DPP10: variants seen among roughly 807,000 people sequenced by gnomAD.
The protein encoded by DPP10 is dipeptidyl peptidase like 10.
A neutral mutation model predicts 120.9 loss-of-function variants in DPP10; 33 were observed. That is an observed-to-expected ratio of 0.27 (90% confidence interval 0.21 to 0.37). The LOEUF (loss-of-function observed/expected upper bound fraction) is 0.37, where lower values mean the gene tolerates loss of function less well. DPP10 is among the 10% of genes least tolerant of loss of function. The pLI is 1.00. For synonymous variants in DPP10, 337 were observed against 326.1 expected, an observed-to-expected ratio of 1.03 and a Z score of -0.36; for missense variants, 816 against 942.8, an observed-to-expected ratio of 0.87 and a Z score of 1.76.
At chr2:115,667,409 A>G (rs1380361920) in intron 5 of DPP10, among the ~76,000 whole-genome samples, 1 of 152,026 alleles carries the variant, frequency 6.6e-6, no homozygotes, top group Non-Finnish European at 1.5e-5. Context: ...TTTTCATACA[A>G]TCTTTTCCAG....
intron 2 of DPP10, among the ~76,000 whole-genome samples, chr2:115,309,600 T>G (rs2061498841): frequency 6.6e-6 from 1 of 152,108 alleles, no homozygotes; most frequent in Non-Finnish European, 1.5e-5. Flanking sequence ...AAGGAGATTT[T>G]TGGTCTCCAT....
intron 1 of DPP10, among the ~76,000 whole-genome samples, chr2:114,859,307 G>A (rs1689623126): frequency 6.6e-6 from 1 of 150,734 alleles, no homozygotes; most frequent in Non-Finnish European, 1.5e-5. Context: ...GGTGAAGCTA[G>A]CAGCGAGCCA....
At chr2:115,363,562 G>T (rs778184005) in intron 3 of DPP10, among the ~76,000 whole-genome samples, 5 of 152,174 alleles carry the variant, frequency 3.3e-5, no homozygotes, top group African/African-American at 1.2e-4. Context: ...GACATGGTGC[G>T]CAAGTTACTT....
chr2:115,806,991 G>T (rs1185359280), intron 19 of DPP10, among the ~76,000 whole-genome samples: 2 of 152,082 alleles, frequency 1.3e-5, no homozygotes, highest in Admixed American at 1.3e-4. Context: ...TATAAAATGT[G>T]CTAAGCTTTC....
intron 1 of DPP10, among the ~76,000 whole-genome samples, chr2:115,233,118 T>C (rs1473096702): frequency 6.6e-6 from 1 of 151,474 alleles, no homozygotes; most frequent in East Asian, 2.0e-4. Context: ...TGTCATATTT[T>C]AAAGGCTTAC....
intron 2 of DPP10, among the ~76,000 whole-genome samples, chr2:115,313,829 C>T (rs1323938018): frequency 6.6e-6 from 1 of 152,124 alleles, no homozygotes. Context: ...ACAAATTATT[C>T]ATTCCATTTT....
chr2:114,752,424 A>T lies in DPP10; in HGVS notation c.60+309586A>T, dbSNP rs13383611. ...AAACAAAGCAAAAGAAAATGACCCA[A>T]CTACTCAGATTAGAGCCTCGAATTA... is the stretch of plus-strand genomic sequence containing the variant. On this transcript the variant is annotated intron_variant, in intron 1 of 25. Coordinates refer to ENST00000410059, the MANE Select transcript of DPP10 (RefSeq NM_020868.6). Among the ~76,000 whole-genome samples, 1,115 of 152,316 alleles carry T rather than the reference A, an allele frequency of 7.3e-3. 10 individuals carry two copies. Among genetic ancestry groups the T allele is most frequent in the African/African-American group, 0.026 (1,067 of 41,558 alleles).
At chr2:115,023,223 T>C (rs1703204003) in intron 1 of DPP10, among the ~76,000 whole-genome samples, 1 of 151,598 alleles carries the variant, frequency 6.6e-6, no homozygotes, top group South Asian at 2.1e-4. Context: ...ACCCACAGAG[T>C]GGGAGAAAAT....
At chr2:115,533,144 T>A (rs572644516) in intron 5 of DPP10, among the ~76,000 whole-genome samples, 1 of 152,216 alleles carries the variant, frequency 6.6e-6, no homozygotes, top group South Asian at 2.1e-4. Flanking sequence ...TCTTAATACA[T>A]CTTATGTTTG....
chr2:115,597,173 T>C (rs2083043018), intron 5 of DPP10, among the ~76,000 whole-genome samples: 1 of 152,096 alleles, frequency 6.6e-6, no homozygotes. Context: ...TTCCACAGTA[T>C]ACTTCACTGT....
intron 1 of DPP10, among the ~76,000 whole-genome samples, chr2:114,769,004 C>T (rs1286921084): frequency 2.6e-5 from 4 of 152,062 alleles, no homozygotes; most frequent in Admixed American, 2.0e-4. Context: ...GAACCTCTTA[C>T]ATATTTTTAT....
intron 7 of DPP10, among the ~76,000 whole-genome samples, chr2:115,701,915 A>G (rs113063428): frequency 1.3e-3 from 194 of 150,836 alleles, no homozygotes; most frequent in African/African-American, 4.4e-3. Flanking sequence ...GGAATTAACC[A>G]TTTTCGGTAG....
chr2:114,586,500 A>T, intron 1 of DPP10, among the ~76,000 whole-genome samples: 1 of 152,234 alleles, frequency 6.6e-6, no homozygotes, highest in Non-Finnish European at 1.5e-5. Flanking sequence ...CACATAAATT[A>T]TGAATAGTAA....
At chr2:115,556,743 G>T (rs1333159043) in intron 5 of DPP10, among the ~76,000 whole-genome samples, 1 of 152,070 alleles carries the variant, frequency 6.6e-6, no homozygotes, top group Admixed American at 6.6e-5. Context: ...AACTAAAATG[G>T]TGACATCTAA....
chr2:114,558,316 C>T (rs1187101780), intron 1 of DPP10, among the ~76,000 whole-genome samples: 3 of 152,214 alleles, frequency 2.0e-5, no homozygotes, highest in African/African-American at 7.2e-5. Flanking sequence ...CCCAGCTTTC[C>T]TCCAACTAAT....
intron 5 of DPP10, among the ~76,000 whole-genome samples, chr2:115,653,032 AG>A (rs2087944899): frequency 6.6e-6 from 1 of 151,024 alleles, no homozygotes; most frequent in Non-Finnish European, 1.5e-5. Context: ...ACAGAGACAC[AG>A]GGGGAAAGCA....
chr2:115,257,146 G>A (rs1352532322), intron 1 of DPP10, among the ~76,000 whole-genome samples: 2 of 152,078 alleles, frequency 1.3e-5, no homozygotes, highest in African/African-American at 2.4e-5. Context: ...AGTTCTAAAC[G>A]TTTCCTTATC....
intron 1 of DPP10, among the ~76,000 whole-genome samples, chr2:114,966,773 G>T (rs959859310): frequency 3.9e-5 from 6 of 152,244 alleles, no homozygotes; most frequent in Admixed American, 2.6e-4. Flanking sequence ...TGGGTGCAGT[G>T]GCTCATGCCT....
At chr2:115,238,440 C>G (rs1334983567) in intron 1 of DPP10, among the ~76,000 whole-genome samples, 1 of 152,196 alleles carries the variant, frequency 6.6e-6, no homozygotes, top group Admixed American at 6.5e-5. Context: ...GGCCTGCCAG[C>G]ACAACATTCA....
Sources: gnomAD v4.1 joint callset for allele counts (sites outside exome capture counted in the v4.1 genomes callset) on GRCh38, gnomAD v4.1.1 for gene constraint, MANE v1.5 for transcripts, NCBI Gene and HGNC (gene_info 2026-07-23, HGNC 2026-07-21) for gene names.